SMIM10L3: variants seen among roughly 807,000 people sequenced by gnomAD.
The protein encoded by SMIM10L3 is salivary gland specific protein SAGSIN1.
At chr7:6,329,486 G>A in the SMIM10L3 span, 1 of 152,554 alleles carries the variant, frequency 6.6e-6, no homozygotes, top group Admixed American at 6.6e-5. Flanking sequence ...ATAGCACATG[G>A]CATAGTAATT....
the SMIM10L3 span, among the ~76,000 whole-genome samples, chr7:6,331,688 A>G: frequency 6.6e-6 from 1 of 151,232 alleles, no homozygotes; most frequent in African/African-American, 2.4e-5. Context: ...CCTAGTGGAG[A>G]ACATTTCGTG....
the SMIM10L3 span, among the ~76,000 whole-genome samples, chr7:6,346,091 G>A: frequency 2.0e-5 from 3 of 151,970 alleles, no homozygotes; most frequent in South Asian, 2.1e-4. Context: ...TTAAAAATCC[G>A]GATTGGAAAT....
the SMIM10L3 span, chr7:6,331,041 A>G: frequency 6.2e-7 from 1 of 1,613,984 alleles, no homozygotes; most frequent in Non-Finnish European, 8.5e-7. Flanking sequence ...CTGCAGGCCA[A>G]GGGCCCTCCG....
At chr7:6,332,371 C>G in the SMIM10L3 span, among the ~76,000 whole-genome samples, 1 of 152,124 alleles carries the variant, frequency 6.6e-6, no homozygotes, top group Admixed American at 6.6e-5. Flanking sequence ...GATTACTGCC[C>G]TATGGATACT....
the SMIM10L3 span, among the ~76,000 whole-genome samples, chr7:6,345,227 C>A: frequency 6.6e-6 from 1 of 151,968 alleles, no homozygotes; most frequent in South Asian, 2.1e-4. Context: ...AAGCGATCCT[C>A]CCACCTCTGC....
chr7:6,341,718 C>G, the SMIM10L3 span, among the ~76,000 whole-genome samples: 1 of 151,492 alleles, frequency 6.6e-6, no homozygotes, highest in Admixed American at 6.6e-5. Context: ...TGAGTGCGCG[C>G]CAGGTGCAGT....
the SMIM10L3 span, chr7:6,330,344 A>T: frequency 6.4e-7 from 1 of 1,567,882 alleles, no homozygotes. Context: ...AACTCTTAAA[A>T]TTAATCTATT....
At chr7:6,330,929 G>A in the SMIM10L3 span, 2 of 1,614,236 alleles carry the variant, frequency 1.2e-6, no homozygotes, top group South Asian at 2.2e-5. Context: ...CCACTGTGAA[G>A]CCAGAGGCCA....
the SMIM10L3 span, among the ~76,000 whole-genome samples, chr7:6,335,559 G>A: frequency 6.6e-6 from 1 of 151,922 alleles, no homozygotes; most frequent in Non-Finnish European, 1.5e-5. Flanking sequence ...ATATTAAAAT[G>A]TCTTGGTTTA....
the SMIM10L3 span, among the ~76,000 whole-genome samples, chr7:6,338,967 G>A: frequency 6.6e-6 from 1 of 152,164 alleles, no homozygotes; most frequent in Non-Finnish European, 1.5e-5. Context: ...CACCCCTCAG[G>A]TGTGAACGCT....
chr7:6,329,863 A>T, the SMIM10L3 span: 1 of 168,228 alleles, frequency 5.9e-6, no homozygotes, highest in East Asian at 1.9e-4. Context: ...AAGTGGAAGG[A>T]AAGGGGTATG....
chr7:6,338,481 A>G, the SMIM10L3 span, among the ~76,000 whole-genome samples: 1 of 152,184 alleles, frequency 6.6e-6, no homozygotes, highest in Non-Finnish European at 1.5e-5. Flanking sequence ...GGAAAAATAA[A>G]GTGTAGCCCT....
chr7:6,344,712 C>A, the SMIM10L3 span, among the ~76,000 whole-genome samples: 1 of 151,956 alleles, frequency 6.6e-6, no homozygotes, highest in Non-Finnish European at 1.5e-5. Context: ...AGTCACGGCA[C>A]CTGGCCCACT....
the SMIM10L3 span, among the ~76,000 whole-genome samples, chr7:6,335,491 G>A: frequency 6.6e-6 from 1 of 152,016 alleles, no homozygotes; most frequent in African/African-American, 2.4e-5. Context: ...GCCTCCCAAA[G>A]TGTTGGGACT....
chr7:6,335,983 G>GTCTACAC, the SMIM10L3 span, among the ~76,000 whole-genome samples: 1 of 151,990 alleles, frequency 6.6e-6, no homozygotes, highest in African/African-American at 2.4e-5. Context: ...GATCAGCCTG[G>GTCTACAC]TCTACACGGT....
chr7:6,339,618 G>C, the SMIM10L3 span, among the ~76,000 whole-genome samples: 1 of 151,904 alleles, frequency 6.6e-6, no homozygotes, highest in East Asian at 1.9e-4. Context: ...GGAGTAGCTG[G>C]GACTACAGGC....
chr7:6,346,897 C>G, the SMIM10L3 span, among the ~76,000 whole-genome samples: 3 of 152,142 alleles, frequency 2.0e-5, no homozygotes, highest in African/African-American at 7.2e-5. Flanking sequence ...CAAGGACCGT[C>G]CAACTGTAAA....
At chr7:6,345,763 G>A in the SMIM10L3 span, among the ~76,000 whole-genome samples, 4,281 of 151,702 alleles carry the variant, frequency 0.028, 188 homozygotes, top group African/African-American at 0.088. Context: ...TTTTTTTGGT[G>A]GTGGTTATTA....
the SMIM10L3 span, among the ~76,000 whole-genome samples, chr7:6,346,139 T>C: frequency 6.6e-6 from 1 of 152,068 alleles, no homozygotes; most frequent in African/African-American, 2.4e-5. Context: ...TGGTGCTGAC[T>C]AGATACGGCA....
Sources: gnomAD v4.1 joint callset for allele counts (sites outside exome capture counted in the v4.1 genomes callset) on GRCh38, gnomAD v4.1.1 for gene constraint, MANE v1.5 for transcripts, NCBI Gene and HGNC (gene_info 2026-07-23, HGNC 2026-07-21) for gene names.